NPAS2: variants seen among roughly 807,000 people sequenced by gnomAD.
The protein encoded by NPAS2 is neuronal PAS domain protein 2, also known as neuronal PAS domain-containing protein 2.
NPAS2 carries 23 observed loss-of-function variants against 107.5 expected under a neutral mutation model. That is an observed-to-expected ratio of 0.21 (90% CI 0.15 to 0.30). NPAS2 has a LOEUF of 0.30. Among genes scored for constraint, NPAS2 ranks in the 10% least tolerant of loss-of-function variants. The pLI, the probability that NPAS2 is intolerant of heterozygous loss-of-function variation, is 1.00. For synonymous variants in NPAS2, 403 were observed against 417.5 expected (o/e 0.97, Z 0.42); for missense variants, 756 against 1,043.3 (o/e 0.72, Z 3.79).
At chr2:100,919,336 G>A (rs1683080019) in intron 2 of NPAS2, among the ~76,000 whole-genome samples, 1 of 152,002 alleles carries the variant, frequency 6.6e-6, no homozygotes, top group Non-Finnish European at 1.5e-5. Context: ...TGTCCCCGAA[G>A]AAAAAGTCAG....
intron 1 of NPAS2, among the ~76,000 whole-genome samples, chr2:100,900,269 TTTTTTAAGCAG>T (rs1250165105): frequency 1.5e-4 from 23 of 152,174 alleles, no homozygotes; most frequent in Non-Finnish European, 2.6e-4. Flanking sequence ...ACAGTCCAAT[TTTTTTAAGCAG>T]GCAAAAGAAT....
At chr2:100,982,405 TC>T (rs763516165) in intron 16 of NPAS2, 28 bp downstream of exon 16, 2 of 1,610,512 alleles carry the variant, frequency 1.2e-6, no homozygotes, top group African/African-American at 1.3e-5. Flanking sequence ...CTGGCCTCTG[TC>T]CCTGCTGCTG....
At chr2:100,925,328 C>T in intron 3 of NPAS2, 34 bp downstream of exon 3, 1 of 1,606,352 alleles carries the variant, frequency 6.2e-7, no homozygotes, top group Non-Finnish European at 8.5e-7. Context: ...TTTTTTTCCA[C>T]CCTGCCCCGT....
chr2:100,926,540 A>G (rs185133008), intron 3 of NPAS2, among the ~76,000 whole-genome samples: 27 of 152,252 alleles, frequency 1.8e-4, no homozygotes, highest in African/African-American at 6.5e-4. Context: ...ATAACTGATC[A>G]TGTTTTCCTT....
chr2:100,896,499 T>C (rs1206352716), intron 1 of NPAS2, among the ~76,000 whole-genome samples: 2 of 152,150 alleles, frequency 1.3e-5, no homozygotes, highest in Non-Finnish European at 2.9e-5. Flanking sequence ...CCCACAGAAC[T>C]GATGGAGACA....
At chr2:100,908,893 A>G (rs1426578447) in intron 2 of NPAS2, among the ~76,000 whole-genome samples, 3 of 152,140 alleles carry the variant, frequency 2.0e-5, no homozygotes, top group Non-Finnish European at 4.4e-5. Context: ...CTCTTAATGG[A>G]GTGGATGCTG....
At chr2:100,946,371 G>A (rs1162574901) in intron 5 of NPAS2, among the ~76,000 whole-genome samples, 1 of 152,154 alleles carries the variant, frequency 6.6e-6, no homozygotes, top group Non-Finnish European at 1.5e-5. Context: ...GGTGTCACCT[G>A]GGGCTTTCTC....
Position 100,866,588 on chromosome 2 carries a change from C to T in NPAS2, c.-22-38145C>T, listed in dbSNP as rs185836225. Among the ~76,000 whole-genome samples the T allele has an allele frequency of 5.9e-5, 9 of 152,266 alleles. No homozygotes were observed. The East Asian group carries it at 1.7e-3, about 29-fold the overall frequency. On this transcript the variant is annotated intron_variant, in intron 1 of 20. Transcript: ENST00000335681. ...TCACTCACTTGCCAAGTAGCATATA[C>T]ATCACAAAATATTCAGAATTATTAC...
chr2:100,832,194 A>G (rs1260858203), intron 1 of NPAS2, among the ~76,000 whole-genome samples: 2 of 152,134 alleles, frequency 1.3e-5, no homozygotes, highest in Non-Finnish European at 2.9e-5. Flanking sequence ...AGAGAATGAG[A>G]GAAGAACTGT....
At chr2:100,873,307 T>TATATACACACACACAC (rs1280164445) in intron 1 of NPAS2, among the ~76,000 whole-genome samples, 1 of 41,892 alleles carries the variant, frequency 2.4e-5, no homozygotes, top group Non-Finnish European at 4.5e-5. Context: ...TATATATATA[T>TATATACACACACACAC]ACACACACAC....
chr2:100,923,930 A>G (rs928427854), intron 2 of NPAS2, among the ~76,000 whole-genome samples: 5 of 152,208 alleles, frequency 3.3e-5, no homozygotes, highest in African/African-American at 1.2e-4. Context: ...AGCATTCCTG[A>G]GAGCCACGAT....
At chr2:100,873,291 TATATATATATATATATACACAC>T (rs1679715121) in intron 1 of NPAS2, among the ~76,000 whole-genome samples, 3 of 40,968 alleles carry the variant, frequency 7.3e-5, no homozygotes, top group Non-Finnish European at 1.8e-4. Context: ...TATATATATA[TATATATATATATATATACACAC>T]ACACACACAC....
At chr2:100,933,138 G>A in intron 4 of NPAS2, 137 bp downstream of exon 4, 1 of 634,060 alleles carries the variant, frequency 1.6e-6, no homozygotes, top group Non-Finnish European at 2.8e-6. Flanking sequence ...ATACCTCCCT[G>A]AGGCTCTCTG....
At chr2:100,912,910 C>A (rs536609496) in intron 2 of NPAS2, among the ~76,000 whole-genome samples, 1 of 152,260 alleles carries the variant, frequency 6.6e-6, no homozygotes, top group East Asian at 1.9e-4. Flanking sequence ...GTCAGAATCA[C>A]CATATCAATG....
At chr2:100,898,369 T>C (rs1386209302) in intron 1 of NPAS2, among the ~76,000 whole-genome samples, 4 of 152,220 alleles carry the variant, frequency 2.6e-5, no homozygotes, top group African/African-American at 7.2e-5. Flanking sequence ...GGCATTTCTA[T>C]AGAAATTGAC....
chr2:100,987,879 C>T (rs979579721), intron 16 of NPAS2, 200 bp from the exon 17 acceptor site: 29 of 644,690 alleles, frequency 4.5e-5, no homozygotes, highest in Non-Finnish European at 8.1e-5. Flanking sequence ...AGTGTCTCTC[C>T]AGCCCATGGC....
At chr2:100,977,581 T>A (rs1480524745) in intron 14 of NPAS2, 129 bp from the exon 15 acceptor site, 2 of 747,648 alleles carry the variant, frequency 2.7e-6, no homozygotes, top group East Asian at 5.2e-5. Context: ...ACCTATACTT[T>A]CTAGAACTCT....
At chr2:100,911,355 A>G (rs1435089530) in intron 2 of NPAS2, among the ~76,000 whole-genome samples, 1 of 152,214 alleles carries the variant, frequency 6.6e-6, no homozygotes, top group African/African-American at 2.4e-5. Context: ...TTATAATTAT[A>G]CATTTTCTTA....
intron 1 of NPAS2, among the ~76,000 whole-genome samples, chr2:100,869,293 A>G (rs908661137): frequency 6.6e-6 from 1 of 152,156 alleles, no homozygotes; most frequent in African/African-American, 2.4e-5. Context: ...GTCATTGTGA[A>G]TCTGATTTTG....
Sources: allele counts gnomAD v4.1 joint callset (sites outside exome capture counted in the v4.1 genomes callset), GRCh38; gene constraint gnomAD v4.1.1; transcripts MANE v1.5; gene names NCBI Gene and HGNC (gene_info 2026-07-23, HGNC 2026-07-21).